Variants in ANTXRL observed in about 807,000 individuals in gnomAD.
ANTXRL encodes the protein ANTXR like, also known as anthrax toxin receptor-like.
Under a neutral mutation model 75.4 loss-of-function variants are expected in ANTXRL, and 63 were observed. The observed-to-expected ratio is 0.84, with a 90% CI of 0.68 to 1.03. The LOEUF is 1.03. ANTXRL is among the 50% of genes least tolerant of loss of function. ANTXRL has a pLI of 0.00. For missense variants in ANTXRL, 797 were observed against 789.4 expected, an observed-to-expected ratio of 1.01 and a Z score of -0.12; for synonymous variants, 335 against 291.3, an observed-to-expected ratio of 1.15 and a Z score of -1.53.
At chr10:46,294,976 G>C (rs1837280171) in intron 3 of ANTXRL, among the ~76,000 whole-genome samples, 1 of 152,170 alleles carries the variant, frequency 6.6e-6, no homozygotes, top group South Asian at 2.1e-4. Context: ...TAAGTCCCCA[G>C]CCTGTCCCAG....
At chr10:46,293,093 A>G (rs1245042685) in intron 2 of ANTXRL, 2 of 151,748 alleles carry the variant, frequency 1.3e-5, no homozygotes, top group Non-Finnish European at 2.9e-5. Flanking sequence ...CTGCCTGTTC[A>G]TTATAAGGTA....
intron 16 of ANTXRL, 104 bp downstream of exon 16, chr10:46,313,420 G>A: frequency 8.3e-7 from 1 of 1,199,686 alleles, no homozygotes. Context: ...TCAGGCATCT[G>A]CAAAAGAGGA....
In ANTXRL at chr10:46,287,411, C is replaced by CCCA. The variant is rs1554955516; in HGVS notation, c.159_161dup (p.His54dup). The CCCA allele has an allele frequency of 6.5e-7, 1 of 1,535,846 alleles. No individual in the cohort carries two copies. The highest frequency in any genetic ancestry group is 8.7e-7 in the Non-Finnish European group (1 of 1,146,732). On this transcript the variant is annotated inframe_insertion, in exon 1 of 17. Coordinates refer to ENST00000620264, the MANE Select transcript of ANTXRL (RefSeq NM_001278688.3). ...CGCCTGGCCCTGGGCTCCAGGAGAGCCCACCACCACCATGGCCCAGGATGG... is the reference window on the plus strand; with the variant it reads ...CGCCTGGCCCTGGGCTCCAGGAGAGCCCACCACCACCACCATGGCCCAGGATGG...
intron 15 of ANTXRL, among the ~76,000 whole-genome samples, 152 bp from the exon 16 acceptor site, chr10:46,313,084 A>C (rs1477881001): frequency 4.6e-5 from 7 of 152,126 alleles, no homozygotes; most frequent in Non-Finnish European, 8.8e-5. Context: ...TCCCCAGCAC[A>C]CAAGGCTGCC....
chr10:46,319,171 A>C (rs1838869853), intron 16 of ANTXRL, among the ~76,000 whole-genome samples: 1 of 152,190 alleles, frequency 6.6e-6, no homozygotes, highest in Non-Finnish European at 1.5e-5. Flanking sequence ...TTCTCAGACC[A>C]AAATTTAGTT....
At chr10:46,297,740 A>G (rs1179437238) in intron 7 of ANTXRL, 91 bp from the exon 8 acceptor site, 3 of 1,162,766 alleles carry the variant, frequency 2.6e-6, no homozygotes, top group Middle Eastern at 2.4e-4. Flanking sequence ...CTGCCCCCAA[A>G]GCATGAGGGC....
At chr10:46,294,600 C>A (rs1442211939) in intron 3 of ANTXRL, among the ~76,000 whole-genome samples, 1 of 152,108 alleles carries the variant, frequency 6.6e-6, no homozygotes, top group African/African-American at 2.4e-5. Context: ...GGGGACTGGG[C>A]CCCACTTGCA....
chr10:46,312,489 T>C (rs1838486772), intron 15 of ANTXRL, among the ~76,000 whole-genome samples: 1 of 147,070 alleles, frequency 6.8e-6, no homozygotes, highest in South Asian at 2.2e-4. Flanking sequence ...TCTGCCCCTC[T>C]CCCCCTTGGT....
At chr10:46,318,655 G>A (rs1193509682) in intron 16 of ANTXRL, among the ~76,000 whole-genome samples, 1 of 152,044 alleles carries the variant, frequency 6.6e-6, no homozygotes, top group African/African-American at 2.4e-5. Flanking sequence ...GCCCCAAATC[G>A]AGCAAACAAT....
intron 16 of ANTXRL, among the ~76,000 whole-genome samples, chr10:46,317,029 T>C (rs1293534919): frequency 6.6e-6 from 1 of 152,210 alleles, no homozygotes; most frequent in Non-Finnish European, 1.5e-5. Context: ...GCTGCTGGGA[T>C]AGGCTCCAGC....
intron 16 of ANTXRL, among the ~76,000 whole-genome samples, chr10:46,321,796 G>A (rs547571325): frequency 1.8e-4 from 28 of 152,214 alleles, no homozygotes; most frequent in South Asian, 1.0e-3. Flanking sequence ...TGACTATTTC[G>A]TAAGGTATCA....
intron 1 of ANTXRL, among the ~76,000 whole-genome samples, chr10:46,287,833 A>G (rs1456629768): frequency 6.6e-6 from 1 of 152,130 alleles, no homozygotes; most frequent in Non-Finnish European, 1.5e-5. Context: ...GCCTCTCAGC[A>G]GTTCTCAGAT....
chr10:46,310,634 C>G (rs546217108), intron 14 of ANTXRL, 135 bp downstream of exon 14: 12 of 955,114 alleles, frequency 1.3e-5, no homozygotes, highest in East Asian at 5.3e-5. Flanking sequence ...CAGAATGGAG[C>G]CTGAGAAGAT....
At chr10:46,292,593 G>GT (rs1167837975) in intron 2 of ANTXRL, among the ~76,000 whole-genome samples, 1 of 152,140 alleles carries the variant, frequency 6.6e-6, no homozygotes, top group African/African-American at 2.4e-5. Context: ...CTGTGGTGGC[G>GT]TGAGTGGTCT....
intron 15 of ANTXRL, 142 bp from the exon 16 acceptor site, chr10:46,313,094 C>A (rs1195881542): frequency 2.7e-6 from 2 of 750,168 alleles, no homozygotes; most frequent in Middle Eastern, 5.8e-4. Context: ...ACAAGGCTGC[C>A]AGGCCCCTCC....
At chr10:46,292,006 C>A in intron 1 of ANTXRL, 52 bp from the exon 2 acceptor site, 1 of 1,496,874 alleles carries the variant, frequency 6.7e-7, no homozygotes, top group South Asian at 1.2e-5. Flanking sequence ...CAGACACTTG[C>A]CCATCGGAGA....
chr10:46,316,602 T>C (rs112364281), intron 16 of ANTXRL, among the ~76,000 whole-genome samples: 6,956 of 152,056 alleles, frequency 0.046, 543 homozygotes, highest in African/African-American at 0.16. Flanking sequence ...TAGAGCCGGG[T>C]TATGAACTGA....
At chr10:46,308,338 A>G in intron 12 of ANTXRL, 1 of 400,434 alleles carries the variant, frequency 2.5e-6, no homozygotes, top group Non-Finnish European at 5.0e-6. Context: ...AGCGGCCTTC[A>G]TGCTCAGCCT....
At chr10:46,305,238 A>G (rs1362439591) in intron 10 of ANTXRL, among the ~76,000 whole-genome samples, 6 of 152,032 alleles carry the variant, frequency 3.9e-5, no homozygotes, top group African/African-American at 1.5e-4. Flanking sequence ...TCTGTCCTGC[A>G]TCAGTCCCTG....
Sources: gnomAD v4.1 joint callset for allele counts (sites outside exome capture counted in the v4.1 genomes callset) on GRCh38, gnomAD v4.1.1 for gene constraint, MANE v1.5 for transcripts, NCBI Gene and HGNC (gene_info 2026-07-23, HGNC 2026-07-21) for gene names.